The following NME5 variants were observed in gnomAD, a reference collection of about 807,000 sequenced individuals.
The protein encoded by NME5 is nucleoside diphosphate kinase 5.
A neutral mutation model predicts 21.6 loss-of-function variants in NME5; 18 were observed. The observed-to-expected ratio is 0.83, with a 90% CI of 0.58 to 1.24. The LOEUF (loss-of-function observed/expected upper bound fraction) is 1.24. NME5 is among the 50% of genes most tolerant of loss of function. The pLI is 0.00. For synonymous variants in NME5, 70 were observed against 80.6 expected (o/e 0.87, Z 0.71); for missense variants, 223 against 255.4 (o/e 0.87, Z 0.86).
chr5:138,116,105 C>CA (rs1189938363), intron 5 of NME5: 14 of 167,254 alleles, frequency 8.4e-5, no homozygotes, highest in Admixed American at 1.9e-4. Context: ...AATGACAGTC[C>CA]AAAAAAAAAT....
chr5:138,136,130 CA>C (rs1377233379), intron 2 of NME5, among the ~76,000 whole-genome samples: 1 of 152,172 alleles, frequency 6.6e-6, no homozygotes, highest in Non-Finnish European at 1.5e-5. Flanking sequence ...AACAATGCTG[CA>C]AAAAATAACC....
chr5:138,115,887 A>C (rs1386481697), intron 5 of NME5, 123 bp from the exon 6 acceptor site: 8 of 589,888 alleles, frequency 1.4e-5, no homozygotes, highest in Admixed American at 3.6e-5. Flanking sequence ...ACCATTAAAA[A>C]TGGAAACATT....
intron 2 of NME5, among the ~76,000 whole-genome samples, chr5:138,131,160 A>G (rs1225597778): frequency 7.1e-6 from 1 of 141,116 alleles, no homozygotes; most frequent in African/African-American, 2.6e-5. Flanking sequence ...TGAGGTCGGG[A>G]GTTCAAGACC....
chr5:138,120,030 G>A (rs948094966), intron 4 of NME5, among the ~76,000 whole-genome samples: 2 of 151,486 alleles, frequency 1.3e-5, no homozygotes, highest in Non-Finnish European at 1.5e-5. Context: ...TCGAACTCCT[G>A]GGCTGAAGCA....
At chr5:138,122,246 C>T (rs1396225716) in intron 4 of NME5, among the ~76,000 whole-genome samples, 1 of 151,652 alleles carries the variant, frequency 6.6e-6, no homozygotes, top group Non-Finnish European at 1.5e-5. Flanking sequence ...TGAGACCAGC[C>T]TGCCCAACGT....
In NME5 at chr5:138,115,731, G is replaced by T; in HGVS notation, c.589C>A (p.Pro197Thr). The T allele has an allele frequency of 6.3e-7, 1 of 1,576,904 alleles. No individual in the cohort carries two copies. The highest frequency in any genetic ancestry group is 8.6e-7 in the Non-Finnish European group (1 of 1,168,544). ...TGGTGACAAAGTTTGGGTTTGTTAG[G>T]ATTATTTTTCAGCAGCCAATCAGCT... ...WLADWLLKNN[P>T]NKPKLCHHPI... is the part of the protein sequence containing the mutation. Residue 197 changes from proline (P) to threonine (T), a missense_variant, in exon 6 of 6, where the codon CCT becomes ACT. Transcript: ENST00000265191.
intron 4 of NME5, among the ~76,000 whole-genome samples, chr5:138,127,226 T>G (rs1581381404): frequency 6.6e-6 from 1 of 152,096 alleles, no homozygotes; most frequent in Admixed American, 6.6e-5. Flanking sequence ...GAAAGGCCAG[T>G]GGAGAAAAGT....
At chr5:138,116,979 A>G (rs1751171238) in intron 5 of NME5, among the ~76,000 whole-genome samples, 1 of 152,144 alleles carries the variant, frequency 6.6e-6, no homozygotes, top group Non-Finnish European at 1.5e-5. Context: ...AGGCCGAGGT[A>G]GGAAGATCAC....
chr5:138,130,508 G>A (rs1365080487), intron 2 of NME5, among the ~76,000 whole-genome samples: 1 of 152,154 alleles, frequency 6.6e-6, no homozygotes, highest in Admixed American at 6.6e-5. Flanking sequence ...GAAAAATTAG[G>A]CCAGGCATGG....
intron 2 of NME5, among the ~76,000 whole-genome samples, chr5:138,134,147 T>C (rs916742523): frequency 2.0e-5 from 3 of 152,198 alleles, no homozygotes; most frequent in African/African-American, 7.2e-5. Context: ...ACAATCTCAG[T>C]TCACTGCAAC....
intron 2 of NME5, among the ~76,000 whole-genome samples, chr5:138,132,380 G>A (rs1751591308): frequency 6.6e-6 from 1 of 151,998 alleles, no homozygotes; most frequent in South Asian, 2.1e-4. Context: ...TATTACTGCT[G>A]TTTTTTCAAT....
intron 2 of NME5, among the ~76,000 whole-genome samples, chr5:138,134,731 T>TTC (rs1751652926): frequency 6.7e-6 from 1 of 148,306 alleles, no homozygotes; most frequent in South Asian, 2.1e-4. Context: ...GTTTGTCACT[T>TTC]TTTTTTTTTT....
Position 138,134,599 on chromosome 5 carries a change from T to C in NME5, c.129+4053A>G, listed in dbSNP as rs1468664300. ...TTCACCACATTGGCCAGGGTGGTCT[T>C]GAACTTTTGACCTCAGGTGATCCAC... On this transcript the variant is annotated intron_variant, in intron 2 of 5. Transcript: ENST00000265191. Among the ~76,000 whole-genome samples the C allele has an allele frequency of 1.3e-4, 20 of 152,024 alleles. No homozygotes were observed. The East Asian group carries it at 3.9e-3, about 29-fold the overall frequency.
intron 2 of NME5, chr5:138,138,236 C>A: frequency 6.4e-6 from 1 of 157,190 alleles, no homozygotes; most frequent in Non-Finnish European, 1.4e-5. Flanking sequence ...AGTTCTAATA[C>A]ACAGGGAAAT....
intron 5 of NME5, among the ~76,000 whole-genome samples, chr5:138,117,722 C>T (rs1751193321): frequency 6.6e-6 from 1 of 152,124 alleles, no homozygotes; most frequent in Non-Finnish European, 1.5e-5. Flanking sequence ...GTGGCTCACA[C>T]CTGCAATCCC....
intron 2 of NME5, among the ~76,000 whole-genome samples, chr5:138,134,756 C>T (rs1751654123): frequency 1.4e-5 from 2 of 146,590 alleles, no homozygotes; most frequent in Non-Finnish European, 3.0e-5. Flanking sequence ...GACGGAGTCT[C>T]GCTCTGTCAC....
chr5:138,131,704 A>T (rs1473130381), intron 2 of NME5, among the ~76,000 whole-genome samples: 5 of 151,824 alleles, frequency 3.3e-5, no homozygotes, highest in African/African-American at 9.7e-5. Context: ...TTTGAAACTC[A>T]TGCTTTCTCT....
At chr5:138,126,712 T>C (rs983283062) in intron 4 of NME5, among the ~76,000 whole-genome samples, 1 of 151,178 alleles carries the variant, frequency 6.6e-6, no homozygotes, top group African/African-American at 2.4e-5. Flanking sequence ...TTTTGGGAGG[T>C]AGAGGCAGCA....
intron 2 of NME5, among the ~76,000 whole-genome samples, chr5:138,136,881 G>A (rs938517247): frequency 4.6e-5 from 7 of 151,756 alleles, no homozygotes; most frequent in Admixed American, 3.9e-4. Context: ...GACCTCAGGT[G>A]ATCAACTCAC....
Sources: gnomAD v4.1 joint callset for allele counts (sites outside exome capture counted in the v4.1 genomes callset) on GRCh38, gnomAD v4.1.1 for gene constraint, MANE v1.5 for transcripts, NCBI Gene and HGNC (gene_info 2026-07-23, HGNC 2026-07-21) for gene names.